Variants in CAST observed in about 807,000 individuals in gnomAD.
CAST encodes the protein calpastatin, also known as MIR583 host.
In CAST, 76 loss-of-function variants were observed where a neutral mutation model predicts 119.6. The observed-to-expected ratio is 0.64, with a 90% CI of 0.53 to 0.77. CAST has a LOEUF of 0.77. Ranked by LOEUF, CAST falls within the 30% of genes least tolerant of loss-of-function variation. The probability of loss-of-function intolerance (pLI) is 0.00; values close to 1 mark genes in which losing one functional copy is unlikely to be tolerated. For missense variants in CAST, 953 were observed against 946.5 expected (o/e 1.01, Z -0.09); for synonymous variants, 319 against 331.6 (o/e 0.96, Z 0.41).
the CAST span, among the ~76,000 whole-genome samples, chr5:96,258,611 G>A: frequency 5.9e-5 from 9 of 152,044 alleles, no homozygotes; most frequent in Non-Finnish European, 1.2e-4. Context: ...CATGTTTCTG[G>A]TACATGACAC....
At chr5:96,387,629 A>G in the CAST span, among the ~76,000 whole-genome samples, 1 of 152,314 alleles carries the variant, frequency 6.6e-6, no homozygotes, top group South Asian at 2.1e-4. Context: ...GCACCCTACC[A>G]TGGAACACTC....
chr5:96,662,849 G>A (rs1229436595), intron 1 of CAST, among the ~76,000 whole-genome samples: 1 of 152,220 alleles, frequency 6.6e-6, no homozygotes, highest in Non-Finnish European at 1.5e-5. Flanking sequence ...CTGGACAGCG[G>A]GATGTAGTCT....
chr5:95,965,662 AC>A, the CAST span, among the ~76,000 whole-genome samples: 1 of 152,146 alleles, frequency 6.6e-6, no homozygotes, highest in Non-Finnish European at 1.5e-5. Context: ...GTTGTGTTTG[AC>A]CCAATCATTA....
At chr5:96,690,637 A>G (rs1457537817) in intron 2 of CAST, among the ~76,000 whole-genome samples, 1 of 152,248 alleles carries the variant, frequency 6.6e-6, no homozygotes, top group Non-Finnish European at 1.5e-5. Context: ...TTGCACTTGC[A>G]GTAGCACACA....
chr5:96,456,804 C>G, the CAST span, among the ~76,000 whole-genome samples: 1 of 152,146 alleles, frequency 6.6e-6, no homozygotes, highest in African/African-American at 2.4e-5. Context: ...TGGGAGGGAC[C>G]AGGTGGAGAT....
the CAST span, among the ~76,000 whole-genome samples, chr5:96,471,689 A>G: frequency 2.6e-5 from 4 of 152,150 alleles, no homozygotes; most frequent in Non-Finnish European, 5.9e-5. Flanking sequence ...AAACAAAAAC[A>G]AGATCTCAAT....
chr5:96,099,637 G>A, the CAST span, among the ~76,000 whole-genome samples: 2 of 152,122 alleles, frequency 1.3e-5, no homozygotes, highest in Non-Finnish European at 1.5e-5. Context: ...TTATTGATTT[G>A]CATGCATTGA....
chr5:96,658,540 C>T (rs370047836), upstream of CAST, among the ~76,000 whole-genome samples: 1 of 152,168 alleles, frequency 6.6e-6, no homozygotes, highest in Non-Finnish European at 1.5e-5. Context: ...ATTGATTGGA[C>T]AGGAGGTTGC....
the CAST span, among the ~76,000 whole-genome samples, chr5:96,276,747 G>T: frequency 6.6e-6 from 1 of 152,136 alleles, no homozygotes; most frequent in Non-Finnish European, 1.5e-5. Flanking sequence ...TTGTAAGGAA[G>T]TATTATGAAT....
chr5:96,363,427 G>T, the CAST span, among the ~76,000 whole-genome samples: 1 of 151,780 alleles, frequency 6.6e-6, no homozygotes, highest in African/African-American at 2.4e-5. Context: ...ACCTTGGGCA[G>T]TATGGCCATT....
the CAST span, among the ~76,000 whole-genome samples, chr5:96,387,466 A>G: frequency 6.6e-6 from 1 of 152,202 alleles, no homozygotes; most frequent in South Asian, 2.1e-4. Context: ...ATAGGACCTC[A>G]TAAGTGGGCT....
chr5:96,378,427 T>C, the CAST span, among the ~76,000 whole-genome samples: 1 of 152,126 alleles, frequency 6.6e-6, no homozygotes. Flanking sequence ...TTACAGTGTA[T>C]ATGTATATCA....
At chr5:96,323,523 T>C in the CAST span, among the ~76,000 whole-genome samples, 2 of 152,238 alleles carry the variant, frequency 1.3e-5, no homozygotes, top group Non-Finnish European at 2.9e-5. Context: ...GCTTTATTTT[T>C]CATTGCTATT....
intron 3 of CAST, among the ~76,000 whole-genome samples, chr5:96,707,380 A>G (rs1755208233): frequency 6.6e-6 from 1 of 150,726 alleles, no homozygotes; most frequent in African/African-American, 2.4e-5. Context: ...GAATGTGTTA[A>G]CTTTAGTTAA....
At chr5:96,599,972 A>AAAAAAAAG (rs1561426796) in intron 1 of CAST, among the ~76,000 whole-genome samples, 25 of 142,464 alleles carry the variant, frequency 1.8e-4, no homozygotes, top group Admixed American at 2.9e-4. Flanking sequence ...TAGGCAAAAA[A>AAAAAAAAG]AAAAAAAAAA....
intron 1 of CAST, among the ~76,000 whole-genome samples, chr5:96,554,886 TA>T (rs1328941601): frequency 6.6e-6 from 1 of 152,142 alleles, no homozygotes; most frequent in East Asian, 1.9e-4. Flanking sequence ...TTGGGATCAT[TA>T]AAAAGTCAGG....
chr5:96,062,370 C>G, the CAST span, among the ~76,000 whole-genome samples: 4 of 152,116 alleles, frequency 2.6e-5, no homozygotes, highest in Non-Finnish European at 5.9e-5. Flanking sequence ...TATCCCTTAA[C>G]CATCATTGTA....
At chr5:96,240,669 T>C in the CAST span, among the ~76,000 whole-genome samples, 8 of 152,018 alleles carry the variant, frequency 5.3e-5, no homozygotes, top group African/African-American at 1.4e-4. Context: ...GCTCAAGCAA[T>C]TGTGGTGCCT....
At chr5:96,514,088 C>T in the CAST span, among the ~76,000 whole-genome samples, 1 of 152,144 alleles carries the variant, frequency 6.6e-6, no homozygotes, top group Admixed American at 6.5e-5. Context: ...CCTCTGTGCT[C>T]CAGTATGACC....
Sources: allele counts gnomAD v4.1 joint callset (sites outside exome capture counted in the v4.1 genomes callset), GRCh38; gene constraint gnomAD v4.1.1; transcripts MANE v1.5; gene names NCBI Gene and HGNC (gene_info 2026-07-23, HGNC 2026-07-21).